WWTR1: variants seen among roughly 807,000 people sequenced by gnomAD.
The protein encoded by WWTR1 is WW domain containing transcription regulator 1.
In WWTR1, 13 loss-of-function variants were observed where a neutral mutation model predicts 40.1. The observed-to-expected ratio is 0.32, with a 90% CI of 0.21 to 0.52. WWTR1 has a LOEUF of 0.52. Ranked by LOEUF, WWTR1 falls within the 20% of genes least tolerant of loss-of-function variation. The pLI is 0.97. For synonymous variants in WWTR1, 230 were observed against 210.1 expected (o/e 1.09, Z -0.82); for missense variants, 436 against 523.1 (o/e 0.83, Z 1.63).
intron 2 of WWTR1, among the ~76,000 whole-genome samples, chr3:149,613,172 CA>C (rs1187564016): frequency 6.6e-6 from 1 of 152,212 alleles, no homozygotes; most frequent in Non-Finnish European, 1.5e-5. Context: ...CCTTTCCCAA[CA>C]CCCACCTCTT....
At chr3:149,722,763 C>G (rs1260873996) in intron 4 of WWTR1, among the ~76,000 whole-genome samples, 1 of 151,850 alleles carries the variant, frequency 6.6e-6, no homozygotes, top group Admixed American at 6.6e-5. Context: ...ATTGTCCTAT[C>G]AAGTTTGCTG....
intron 4 of WWTR1, chr3:149,540,181 T>C (rs1393993085): frequency 2.2e-6 from 1 of 455,894 alleles, no homozygotes; most frequent in Non-Finnish European, 4.4e-6. Flanking sequence ...TCTTTTCTCC[T>C]GCTTCATATA....
intron 2 of WWTR1, among the ~76,000 whole-genome samples, chr3:149,584,899 C>G (rs1264359063): frequency 3.3e-5 from 5 of 152,098 alleles, no homozygotes; most frequent in Non-Finnish European, 5.9e-5. Flanking sequence ...AGTAAAGCAC[C>G]TAGCACAGTG....
intron 1 of WWTR1, among the ~76,000 whole-genome samples, chr3:149,687,287 T>C (rs1299639270): frequency 1.3e-5 from 2 of 152,248 alleles, no homozygotes; most frequent in Non-Finnish European, 2.9e-5. Context: ...TGGAACTCAC[T>C]ACTGAGTTGC....
chr3:149,527,283 G>A (rs1184666174), intron 5 of WWTR1, among the ~76,000 whole-genome samples: 1 of 151,946 alleles, frequency 6.6e-6, no homozygotes, highest in Non-Finnish European at 1.5e-5. Context: ...GAGTAGCTGG[G>A]ATTACAGGCA....
At chr3:149,680,728 G>C (rs552668722) in intron 1 of WWTR1, among the ~76,000 whole-genome samples, 20 of 152,074 alleles carry the variant, frequency 1.3e-4, no homozygotes, top group African/African-American at 4.8e-4. Context: ...TGTAGTCCCA[G>C]CTACTCAGGA....
At chr3:149,561,590 G>T (rs912939808) in intron 3 of WWTR1, among the ~76,000 whole-genome samples, 2 of 152,168 alleles carry the variant, frequency 1.3e-5, no homozygotes, top group African/African-American at 4.8e-5. Context: ...TATGTCCAAG[G>T]CTGCACACTG....
intron 2 of WWTR1, among the ~76,000 whole-genome samples, chr3:149,610,610 A>C (rs1373104376): frequency 1.3e-5 from 2 of 152,236 alleles, no homozygotes; most frequent in Non-Finnish European, 1.5e-5. Context: ...TGAGGAAGAC[A>C]GAGAAAAGAT....
chr3:149,529,535 A>G (rs533593340), intron 4 of WWTR1, among the ~76,000 whole-genome samples: 1 of 152,328 alleles, frequency 6.6e-6, no homozygotes, highest in South Asian at 2.1e-4. Context: ...TTTATTCAGG[A>G]ATCTACAAAA....
chr3:149,685,015 CCTAT>C (rs750326453), intron 1 of WWTR1, among the ~76,000 whole-genome samples: 1 of 152,150 alleles, frequency 6.6e-6, no homozygotes, highest in Admixed American at 6.6e-5. Context: ...TGCTCCCATC[CCTAT>C]CTGTTTCATC....
At chr3:149,722,389 T>C (rs558564593) in intron 4 of WWTR1, among the ~76,000 whole-genome samples, 1 of 152,290 alleles carries the variant, frequency 6.6e-6, no homozygotes, top group South Asian at 2.1e-4. Flanking sequence ...TTAATGTAAA[T>C]TTTGAATTTA....
At chr3:149,682,349 A>AT (rs963913985) in intron 1 of WWTR1, among the ~76,000 whole-genome samples, 23 of 152,214 alleles carry the variant, frequency 1.5e-4, no homozygotes, top group Admixed American at 1.0e-3. Flanking sequence ...GCAGATAATA[A>AT]TAGTAAGTGA....
chr3:149,600,560 G>A (rs931550452), intron 2 of WWTR1, among the ~76,000 whole-genome samples: 8 of 152,198 alleles, frequency 5.3e-5, no homozygotes, highest in African/African-American at 1.7e-4. Flanking sequence ...TTGATAATAA[G>A]CATTAGTTGT....
chr3:149,635,289 A>G (rs950708510), intron 2 of WWTR1, among the ~76,000 whole-genome samples: 4 of 152,236 alleles, frequency 2.6e-5, no homozygotes, highest in Non-Finnish European at 4.4e-5. Flanking sequence ...CAAAGTGATG[A>G]AAGATTCAAA....
At chr3:149,676,259 G>A (rs1714253974) in intron 1 of WWTR1, among the ~76,000 whole-genome samples, 1 of 16,996 alleles carries the variant, frequency 5.9e-5, no homozygotes, top group African/African-American at 3.1e-4. Context: ...AAAAGAGAAG[G>A]GAAAGAGACA....
intron 2 of WWTR1, among the ~76,000 whole-genome samples, chr3:149,607,902 T>C (rs1460967523): frequency 6.6e-6 from 1 of 152,176 alleles, no homozygotes; most frequent in Non-Finnish European, 1.5e-5. Context: ...TAAGTACACC[T>C]CCTCTGAAAA....
At chr3:149,527,388 C>G (rs1464483299) in intron 5 of WWTR1, among the ~76,000 whole-genome samples, 4 of 152,036 alleles carry the variant, frequency 2.6e-5, no homozygotes, top group African/African-American at 9.7e-5. Context: ...CTCAGGTGAT[C>G]TGCCCACCTC....
At chr3:149,673,226 T>C (rs1306277732) in intron 1 of WWTR1, among the ~76,000 whole-genome samples, 1 of 151,998 alleles carries the variant, frequency 6.6e-6, no homozygotes, top group Non-Finnish European at 1.5e-5. Flanking sequence ...TTAAAAAAAA[T>C]AAAAATTAAA....
At chr3:149,577,987 T>A (rs888293907) in intron 2 of WWTR1, among the ~76,000 whole-genome samples, 24 of 150,632 alleles carry the variant, frequency 1.6e-4, no homozygotes, top group Non-Finnish European at 2.7e-4. Context: ...TCTTTCTGGT[T>A]TTCCTCCCTT....
Sources: gnomAD v4.1 joint callset for allele counts (sites outside exome capture counted in the v4.1 genomes callset) on GRCh38, gnomAD v4.1.1 for gene constraint, MANE v1.5 for transcripts, NCBI Gene and HGNC (gene_info 2026-07-23, HGNC 2026-07-21) for gene names.